The following TRIP11 variants were observed in gnomAD, a reference collection of about 807,000 sequenced individuals.
The protein encoded by TRIP11 is thyroid receptor-interacting protein 11.
TRIP11 carries 148 observed loss-of-function variants against 223.1 expected under a neutral mutation model. That is an observed-to-expected ratio of 0.66 (90% CI 0.58 to 0.76). TRIP11 has a LOEUF of 0.76. Among genes scored for constraint, TRIP11 ranks in the 30% least tolerant of loss-of-function variants. TRIP11 has a pLI of 0.00. For missense variants in TRIP11, 2,043 were observed against 2,222.0 expected (o/e 0.92, Z 1.62); for synonymous variants, 762 against 772.6 (o/e 0.99, Z 0.23).
Position 92,004,554 on chromosome 14 carries a change from T to C in TRIP11, c.3422A>G (p.Lys1141Arg). 1.9e-6 allele frequency: 3 copies of C among 1,613,564 alleles called. No individual in the cohort carries two copies. The highest frequency in any genetic ancestry group is 2.5e-6 in the Non-Finnish European group (3 of 1,179,902). ...AALIKLQDEN[K>R]KLSTRFESSG... ...ACTTTCAAATCTAGTGGACAATTTT[T>C]TATTTTCATCTTGCAGTTTGATAAG... The change falls in exon 11 of 21, where the codon AAA becomes AGA. Residue 1141 changes from lysine (K) to arginine (R), a missense_variant. By Grantham distance (26) the Lys-to-Arg change is conservative (BLOSUM62 2). Transcript: ENST00000267622.
intron 16 of TRIP11, among the ~76,000 whole-genome samples, chr14:91,977,533 A>G (rs929465733): frequency 3.3e-5 from 5 of 151,626 alleles, no homozygotes; most frequent in Non-Finnish European, 7.4e-5. Context: ...TTGGAAATCA[A>G]TTGACCATAA....
chr14:92,009,928 G>C (rs2056950725), intron 9 of TRIP11, among the ~76,000 whole-genome samples: 1 of 152,162 alleles, frequency 6.6e-6, no homozygotes, highest in African/African-American at 2.4e-5. Flanking sequence ...AGGTACAAAA[G>C]ATACTCTACT....
Position 92,005,659 on chromosome 14 carries a change from T to C in TRIP11, c.2317A>G (p.Met773Val), listed in dbSNP as rs770144457. 1.9e-6 allele frequency: 3 copies of C among 1,613,792 alleles called. No homozygotes were observed. Among genetic ancestry groups the C allele is most frequent in the Admixed American group, 1.7e-5 (1 of 60,032 alleles). The stretch of plus-strand genomic sequence containing the variant: ...TTCTTTTTGAGTTCTGCTATTTCCA[T>C]GTCTTTCTTTTGATTGAGTTTAATT... The part of the protein sequence containing the change: ...HLIKLNQKKD[M>V]EIAELKKNIE... The change falls in exon 11 of 21, where the codon ATG (methionine) becomes GTG (valine). Residue 773 changes from methionine (M) to valine (V), a missense_variant. Transcript: ENST00000267622.
At position 92,039,691 on chromosome 14, in the gene TRIP11, C is replaced by G; in HGVS notation, c.-6G>C. 3 of 1,611,112 alleles carry G rather than the reference C, an allele frequency of 1.9e-6. No individual in the cohort carries two copies. The highest frequency in any genetic ancestry group is 2.5e-6 in the Non-Finnish European group (3 of 1,178,752). On this transcript the variant is annotated 5_prime_UTR_variant, in exon 1 of 21. Transcript: ENST00000267622. ...CCCCCAAGCCAGGACGACATCGCGG[C>G]GAGTTTAGAGAACGACCCGGTCCGC...
At position 92,021,846 on chromosome 14, in the gene TRIP11, T is replaced by C. The variant is rs764650804; in HGVS notation, c.313-15A>G. On this transcript the variant is annotated splice_polypyrimidine_tract_variant and intron_variant, in intron 3 of 20. Coordinates refer to ENST00000267622, the MANE Select transcript of TRIP11 (RefSeq NM_004239.4). Reference sequence around the variant, plus strand: ...CTGATTTCTACCTATATATTTATAATCCAAGTTTTAGAGAAGGTACTTTAA... The same window carrying C: ...CTGATTTCTACCTATATATTTATAACCCAAGTTTTAGAGAAGGTACTTTAA... 1.9e-6 allele frequency: 3 copies of C among 1,612,120 alleles called. No homozygotes were observed. In the South Asian group the frequency reaches 3.3e-5, roughly 18 times the overall value.
At chr14:92,028,617 T>A (rs1462779465) in intron 2 of TRIP11, among the ~76,000 whole-genome samples, 1 of 152,128 alleles carries the variant, frequency 6.6e-6, no homozygotes, top group African/African-American at 2.4e-5. Flanking sequence ...GCCGAACCCA[T>A]AAAATATGAA....
chr14:92,013,193 G>A (rs1326739753), intron 7 of TRIP11, among the ~76,000 whole-genome samples: 1 of 152,160 alleles, frequency 6.6e-6, no homozygotes, highest in South Asian at 2.1e-4. Flanking sequence ...CTTGAACCCG[G>A]GAGGTGGAGG....
Position 91,967,662 on chromosome 14 carries a change from T to C in TRIP11, c.*2011A>G. On this transcript the variant is annotated 3_prime_UTR_variant, in exon 21 of 21. Transcript: ENST00000267622. ...TGACATACTACTTAAATACCAACCA[T>C]GCATCTCTTTTTCAAATTAAAAGAG... The C allele has an allele frequency of 5.1e-6, 1 of 194,998 alleles. No individual in the cohort carries two copies. Among genetic ancestry groups the C allele is most frequent in the Admixed American group, 6.1e-5 (1 of 16,450 alleles). 12.1% of individuals were successfully genotyped at this position (194,998 alleles called of 1,614,324 possible).
chr14:92,003,746 C>CT lies in TRIP11; in HGVS notation c.4229dup (p.Glu1411GlyfsTer11). 1 of 1,614,092 alleles carries CT rather than the reference C, an allele frequency of 6.2e-7. No individual in the cohort carries two copies. ...TGGCTTTGATTAAGAGGTCTTTTTC[C>CT]TTAAGTAACTTTTGCAAAACATCTT... On this transcript the variant is annotated frameshift_variant, in exon 11 of 21. Coordinates refer to ENST00000267622, the MANE Select transcript of TRIP11 (RefSeq NM_004239.4). LOFTEE classifies it high-confidence loss of function.
At chr14:92,022,653 A>G (rs1186334633) in intron 3 of TRIP11, among the ~76,000 whole-genome samples, 1 of 152,208 alleles carries the variant, frequency 6.6e-6, no homozygotes, top group African/African-American at 2.4e-5. Context: ...AACAATATAG[A>G]CAGAACTGAA....
At chr14:91,974,344 AGCAAGACTGCCT>A (rs1442289190) in intron 19 of TRIP11, among the ~76,000 whole-genome samples, 1 of 152,232 alleles carries the variant, frequency 6.6e-6, no homozygotes. Flanking sequence ...ATAATTTAGT[AGCAAGACTGCCT>A]ATGGCAGCAT....
At chr14:92,032,217 G>A (rs1380925960) in intron 2 of TRIP11, among the ~76,000 whole-genome samples, 3 of 151,782 alleles carry the variant, frequency 2.0e-5, no homozygotes, top group Non-Finnish European at 4.4e-5. Context: ...GCGTGATCTC[G>A]GCTCAGTGCA....
rs1019349725 is a variant in TRIP11 at position 91,978,069 on chromosome 14, G to A, written c.5261-1880C>T. 5.3e-5 allele frequency among the ~76,000 whole-genome samples: 8 copies of A among 152,114 alleles called. No homozygotes were observed. Among genetic ancestry groups the A allele is most frequent in the African/African-American group, 1.9e-4 (8 of 41,426 alleles). ...AGAAGGGGAGAGAGAGGGCGAAAAG[G>A]TGGGGGTGGACAGGACTATTATTAA... On this transcript the variant is annotated intron_variant, in intron 16 of 20. Transcript: ENST00000267622. The surrounding 1 kb of genome is among the most constrained non-coding windows in gnomAD (Gnocchi z 4.4).
At chr14:92,026,654 GAA>G in intron 2 of TRIP11, 4 of 1,122,510 alleles carry the variant, frequency 3.6e-6, no homozygotes, top group Non-Finnish European at 5.4e-6. Context: ...GCGGAAAATG[GAA>G]GAGACGCCCC....
At position 91,993,824 on chromosome 14, in the gene TRIP11, T is replaced by C; in HGVS notation, c.5145A>G (p.Lys1715=). 6.2e-7 allele frequency: 1 copy of C among 1,613,338 alleles called. No homozygotes were observed. Among genetic ancestry groups the C allele is most frequent in the Non-Finnish European group, 8.5e-7 (1 of 1,179,548 alleles). ...WKKNAENLEG[K]VISLQECLDE... ...TTTGTCCTACCTGTAATGATATCAC[T>C]TTTCCTTCCAGATTTTCTGCGTTTT... Residue 1715 remains lysine (K), a synonymous_variant, in exon 15 of 21, where the codon AAA becomes AAG. Coordinates refer to ENST00000267622, the MANE Select transcript of TRIP11 (RefSeq NM_004239.4).
At chr14:92,036,655 CTGTTT>C (rs2057328546) in intron 1 of TRIP11, among the ~76,000 whole-genome samples, 1 of 152,178 alleles carries the variant, frequency 6.6e-6, no homozygotes, top group South Asian at 2.1e-4. Flanking sequence ...TATTTTGGAA[CTGTTT>C]TATTTTTCAT....
chr14:91,994,435 G>C (rs1451387091), intron 14 of TRIP11, among the ~76,000 whole-genome samples: 1 of 151,800 alleles, frequency 6.6e-6, no homozygotes, highest in Non-Finnish European at 1.5e-5. Context: ...GTAGAGATGG[G>C]GTTTCACCAC....
At chr14:92,026,763 G>A (rs750110943) in intron 2 of TRIP11, 1 of 1,147,076 alleles carries the variant, frequency 8.7e-7, no homozygotes, top group Admixed American at 1.8e-5. Context: ...AAGAAGGTGA[G>A]GGTGAGGAAG....
intron 2 of TRIP11, chr14:92,026,940 C>A: frequency 8.8e-7 from 1 of 1,139,806 alleles, no homozygotes; most frequent in Non-Finnish European, 1.3e-6. Context: ...GACCTATTCA[C>A]CCTCCACTTC....
Sources: allele counts gnomAD v4.1 joint callset (sites outside exome capture counted in the v4.1 genomes callset), GRCh38; gene constraint gnomAD v4.1.1; non-coding constraint Gnocchi (gnomAD v3.1); transcripts MANE v1.5; gene names NCBI Gene and HGNC (gene_info 2026-07-23, HGNC 2026-07-21).